The following CNTNAP2 variants were observed in gnomAD, a reference collection of about 807,000 sequenced individuals.
CNTNAP2 encodes the protein contactin-associated protein-like 2.
A neutral mutation model predicts 155.2 loss-of-function variants in CNTNAP2; 98 were observed. That is an observed-to-expected ratio of 0.63 (90% confidence interval 0.54 to 0.75). The LOEUF is 0.75. CNTNAP2 is among the 30% of genes least tolerant of loss of function. CNTNAP2 has a pLI of 0.00. For synonymous variants in CNTNAP2, 651 were observed against 631.2 expected (o/e 1.03, Z -0.47); for missense variants, 1,727 against 1,688.1 (o/e 1.02, Z -0.40).
intron 17 of CNTNAP2, among the ~76,000 whole-genome samples, chr7:148,153,791 C>A (rs1805351145): frequency 3.3e-5 from 5 of 152,224 alleles, no homozygotes; most frequent in Admixed American, 1.3e-4. Flanking sequence ...AGGCTGGCTG[C>A]CAGCCCAGGG....
intron 2 of CNTNAP2, among the ~76,000 whole-genome samples, chr7:146,835,614 T>A (rs1485708478): frequency 6.6e-6 from 1 of 151,970 alleles, no homozygotes; most frequent in Non-Finnish European, 1.5e-5. Context: ...AAATAACATA[T>A]AAAAAACACA....
chr7:147,701,953 G>T (rs1323948443), intron 13 of CNTNAP2, among the ~76,000 whole-genome samples: 3 of 151,130 alleles, frequency 2.0e-5, no homozygotes, highest in Non-Finnish European at 4.4e-5. Context: ...CTGCCTGCAT[G>T]AATATAAGCT....
intron 21 of CNTNAP2, among the ~76,000 whole-genome samples, chr7:148,303,528 T>G (rs559568868): frequency 1.8e-4 from 27 of 152,316 alleles, no homozygotes; most frequent in Admixed American, 5.2e-4. Flanking sequence ...GTGTTGCAGC[T>G]GAAATTTCTG....
Position 148,172,617 on chromosome 7 carries a change from A to G in CNTNAP2, c.3010+139A>G, listed in dbSNP as rs144985854. 503 of 841,250 alleles carry G rather than the reference A, an allele frequency of 6.0e-4. No individual in the cohort carries two copies. In the African/African-American group the frequency reaches 6.2e-3, roughly 10 times the overall value. The allele number at this position is 841,250 out of a possible 1,614,324, so 52.1% of individuals were successfully genotyped here. A position where few individuals can be genotyped will look rare whatever the true frequency, so the allele number is the denominator to read the frequency against. ...TCAGAATTTTTCTCTCAACTTAGGT[A>G]GGAATTTTCCAACCAAAATCATTTC... On this transcript the variant is annotated intron_variant, in intron 18 of 23. Transcript: ENST00000361727.
chr7:146,387,686 T>A (rs1795480066), intron 1 of CNTNAP2, among the ~76,000 whole-genome samples: 1 of 152,180 alleles, frequency 6.6e-6, no homozygotes, highest in South Asian at 2.1e-4. Flanking sequence ...GTGCACCTTC[T>A]TTTCCACCTT....
At chr7:146,674,771 G>A (rs539124242) in intron 1 of CNTNAP2, among the ~76,000 whole-genome samples, 126 of 152,214 alleles carry the variant, frequency 8.3e-4, no homozygotes, top group Admixed American at 4.1e-3. Flanking sequence ...CTGGGTGGCC[G>A]GAGTAGGTTG....
rs183082581 is a variant in CNTNAP2 at position 148,413,127 on chromosome 7, C to G, written c.3797-2290C>G. Among the ~76,000 whole-genome samples the G allele has an allele frequency of 2.6e-5, 4 of 151,844 alleles. No individual in the cohort carries two copies. In the East Asian group the frequency reaches 7.8e-4, roughly 29 times the overall value. ...AATATTGTGGCCAGGCGTAGCAGCTCACGCCTATAATCCCAGCACTTTGGG... is the reference window on the plus strand; with the variant it reads ...AATATTGTGGCCAGGCGTAGCAGCTGACGCCTATAATCCCAGCACTTTGGG... On this transcript the variant is annotated intron_variant, in intron 23 of 23. Coordinates refer to ENST00000361727, the MANE Select transcript of CNTNAP2 (RefSeq NM_014141.6).
chr7:146,121,899 C>T (rs985409418), intron 1 of CNTNAP2, among the ~76,000 whole-genome samples: 1 of 152,012 alleles, frequency 6.6e-6, no homozygotes, highest in East Asian at 1.9e-4. Context: ...CAAATGAAAG[C>T]CTTGAAAATA....
Position 146,898,855 on chromosome 7 carries a change from A to C in CNTNAP2, c.402+58951A>C, listed in dbSNP as rs1795934859. On this transcript the variant is annotated intron_variant, in intron 3 of 23. Transcript: ENST00000361727. Reference sequence around the variant, plus strand: ...CCAGCCCTCTCTACTTTTTAACATAATGTCTGATCTGCCACTTTTTTTCTC... The same window carrying C: ...CCAGCCCTCTCTACTTTTTAACATACTGTCTGATCTGCCACTTTTTTTCTC... 2.0e-5 allele frequency among the ~76,000 whole-genome samples: 3 copies of C among 151,908 alleles called. No homozygotes were observed. The South Asian group carries it at 6.2e-4, about 31-fold the overall frequency.
At chr7:147,991,583 T>TA (rs142599913) in intron 15 of CNTNAP2, among the ~76,000 whole-genome samples, 11 of 151,600 alleles carry the variant, frequency 7.3e-5, no homozygotes, top group South Asian at 6.3e-4. Context: ...AATTAAGGAT[T>TA]AAAAAAAAAC....
intron 11 of CNTNAP2, among the ~76,000 whole-genome samples, chr7:147,497,538 A>C: frequency 6.6e-6 from 1 of 152,170 alleles, no homozygotes; most frequent in Non-Finnish European, 1.5e-5. Context: ...ATCCAACTAC[A>C]CTGGATAAAG....
intron 1 of CNTNAP2, among the ~76,000 whole-genome samples, chr7:146,641,954 A>C (rs779318857): frequency 9.9e-5 from 15 of 152,106 alleles, no homozygotes; most frequent in Non-Finnish European, 1.9e-4. Context: ...TAAAATTAGC[A>C]CTAGTTTGTA....
chr7:146,499,101 T>C (rs949244544), intron 1 of CNTNAP2, among the ~76,000 whole-genome samples: 1 of 152,230 alleles, frequency 6.6e-6, no homozygotes, highest in African/African-American at 2.4e-5. Context: ...ATGATCTGTC[T>C]ATTGACATGA....
chr7:146,404,135 A>AAAAAC (rs1259685192), intron 1 of CNTNAP2, among the ~76,000 whole-genome samples: 2 of 148,068 alleles, frequency 1.4e-5, no homozygotes, highest in Non-Finnish European at 3.0e-5. Flanking sequence ...AAAAAAAAAA[A>AAAAAC]AAAAAAACAA....
chr7:147,169,030 C>T lies in CNTNAP2; in HGVS notation c.1348+36521C>T, dbSNP rs554959067. On this transcript the variant is annotated intron_variant, in intron 8 of 23. Coordinates refer to ENST00000361727, the MANE Select transcript of CNTNAP2 (RefSeq NM_014141.6). ...CACTTCGTTCAAGTGGCATTTTCAC[C>T]CTTTCAAATAACTCCACTAAATATA... Among the ~76,000 whole-genome samples, 16 of 152,208 alleles carry T rather than the reference C, an allele frequency of 1.1e-4. No homozygotes were observed. In the East Asian group the frequency reaches 2.9e-3, roughly 28 times the overall value.
At chr7:147,186,057 G>A (rs752381481) in intron 8 of CNTNAP2, among the ~76,000 whole-genome samples, 6 of 152,076 alleles carry the variant, frequency 3.9e-5, no homozygotes, top group Admixed American at 1.3e-4. Flanking sequence ...GTCTTTATTA[G>A]CAGTATGAGA....
intron 21 of CNTNAP2, among the ~76,000 whole-genome samples, chr7:148,268,509 G>A (rs1401928066): frequency 2.0e-5 from 3 of 151,998 alleles, no homozygotes; most frequent in Admixed American, 6.6e-5. Flanking sequence ...AAAAAAATTA[G>A]ACGGGCGTGG....
intron 13 of CNTNAP2, among the ~76,000 whole-genome samples, chr7:147,873,304 T>C (rs1256929441): frequency 6.6e-6 from 1 of 152,174 alleles, no homozygotes; most frequent in Non-Finnish European, 1.5e-5. Context: ...TCCATTCTCA[T>C]TCTGCTAATA....
At chr7:147,054,490 T>C (rs566005985) in intron 4 of CNTNAP2, among the ~76,000 whole-genome samples, 1 of 152,224 alleles carries the variant, frequency 6.6e-6, no homozygotes, top group African/African-American at 2.4e-5. Flanking sequence ...TTGCAGAGAG[T>C]ACTAGAGCCT....
Sources: gnomAD v4.1 joint callset for allele counts (sites outside exome capture counted in the v4.1 genomes callset) on GRCh38, gnomAD v4.1.1 for gene constraint, MANE v1.5 for transcripts, NCBI Gene and HGNC (gene_info 2026-07-23, HGNC 2026-07-21) for gene names.